Variants in ADIPOR1 observed in about 807,000 individuals in gnomAD.
The protein encoded by ADIPOR1 is adiponectin receptor 1, also known as adiponectin receptor protein 1.
ADIPOR1 carries 15 observed loss-of-function variants against 37.5 expected under a neutral mutation model. That is an observed-to-expected ratio of 0.40 (90% CI 0.27 to 0.62). The LOEUF is 0.62. ADIPOR1 is among the 20% of genes least tolerant of loss of function. ADIPOR1 has a pLI of 0.42. For missense variants in ADIPOR1, 286 were observed against 478.0 expected, an observed-to-expected ratio of 0.60 and a Z score of 3.75; for synonymous variants, 173 against 173.2, an observed-to-expected ratio of 1.00 and a Z score of 0.01.
intron 1 of ADIPOR1, 30 bp from the exon 2 acceptor site, chr1:202,951,194 A>C: frequency 8.9e-7 from 1 of 1,122,638 alleles, no homozygotes; most frequent in Non-Finnish European, 1.3e-6. Flanking sequence ...TGAAGGATTG[A>C]CAATTTATTC....
At position 202,948,254 on chromosome 1, in the gene ADIPOR1, G is replaced by A. The variant is rs144087568; in HGVS notation, c.258+50C>T. 4.0e-3 allele frequency: 5,861 copies of A among 1,453,364 alleles called. 17 individuals are homozygous for A. The highest frequency in any genetic ancestry group is 0.017 in the Middle Eastern group (71 of 4,228). 90.0% of individuals were successfully genotyped at this position (1,453,364 alleles called of 1,614,324 possible). A position where few individuals can be genotyped will look rare whatever the true frequency, so the allele number is the denominator to read the frequency against. ...AAGCTTGCTGGCTGGGGACATCCCA[G>A]ACAGGCCTGCTGCCCTTCCCCTTCC... On this transcript the variant is annotated intron_variant, in intron 3 of 7. Coordinates refer to ENST00000340990, the MANE Select transcript of ADIPOR1 (RefSeq NM_015999.6).
At chr1:202,949,386 C>G (rs1654467906) in intron 2 of ADIPOR1, among the ~76,000 whole-genome samples, 1 of 151,258 alleles carries the variant, frequency 6.6e-6, no homozygotes, top group Admixed American at 6.6e-5. Flanking sequence ...CGAGACCATC[C>G]TGGCTAACAC....
At chr1:202,958,504 C>A, upstream of ADIPOR1, 1 of 153,136 alleles carries the variant, frequency 6.5e-6, no homozygotes, top group South Asian at 1.8e-4. Context: ...AACCTCCACC[C>A]GCCCCGGGGT....
chr1:202,948,395 A>G lies in ADIPOR1; in HGVS notation c.167T>C (p.Val56Ala), dbSNP rs1414059227. ...CACCTCCTCCTCTTCTTCCTGGGGCACTGGGCATGTTTGCTCTTCTTCAGC... is the reference window on the plus strand; with the variant it reads ...CACCTCCTCCTCTTCTTCCTGGGGCGCTGGGCATGTTTGCTCTTCTTCAGC... The part of the protein sequence containing the change: ...PKAEEEQTCP[V>A]PQEEEEEVRV... The change falls in exon 3 of 8, where the codon GTG becomes GCG. Residue 56 changes from valine (V) to alanine (A), a missense_variant. By Grantham distance (64) the Val-to-Ala change is moderately conservative (BLOSUM62 0). Coordinates refer to ENST00000340990, the MANE Select transcript of ADIPOR1 (RefSeq NM_015999.6). 18 of 1,613,712 alleles carry G rather than the reference A, an allele frequency of 1.1e-5. No individual in the cohort carries two copies. The highest frequency in any genetic ancestry group is 1.2e-5 in the Non-Finnish European group (14 of 1,179,930).
chr1:202,948,917 A>G (rs1270674941), intron 2 of ADIPOR1, among the ~76,000 whole-genome samples: 4 of 151,658 alleles, frequency 2.6e-5, no homozygotes, highest in Non-Finnish European at 2.9e-5. Flanking sequence ...TCGGCCTCCA[A>G]GTAGCTGGGA....
At chr1:202,948,482 G>T in intron 2 of ADIPOR1, 62 bp from the exon 3 acceptor site, 1 of 1,489,354 alleles carries the variant, frequency 6.7e-7, no homozygotes, top group Non-Finnish European at 9.4e-7. Flanking sequence ...CTATTCCAGA[G>T]CAGAGAGACC....
At chr1:202,957,041 T>C (rs982484709) in intron 1 of ADIPOR1, among the ~76,000 whole-genome samples, 4 of 152,168 alleles carry the variant, frequency 2.6e-5, no homozygotes, top group Admixed American at 1.3e-4. Context: ...AATCACAATA[T>C]GGGTACATAA....
intron 1 of ADIPOR1, among the ~76,000 whole-genome samples, chr1:202,955,206 G>A (rs1253777939): frequency 6.6e-6 from 1 of 151,358 alleles, no homozygotes; most frequent in Non-Finnish European, 1.5e-5. Flanking sequence ...GACTTCCTTT[G>A]TAGCTCTTCC....
rs776141978 is a variant in ADIPOR1, at chr1:202,941,378, C to A, written c.*195G>T. On this transcript the variant is annotated 3_prime_UTR_variant, in exon 8 of 8. Transcript: ENST00000340990. Reference sequence around the variant, plus strand: ...ATGGCTAAGTTTGACCATGCCCCATCCCCAGCTAGGAGAATGGAAATGGAA... The same window carrying A: ...ATGGCTAAGTTTGACCATGCCCCATACCCAGCTAGGAGAATGGAAATGGAA... 1.3e-5 allele frequency: 7 copies of A among 548,096 alleles called. No individual in the cohort carries two copies. Among genetic ancestry groups the A allele is most frequent in the Middle Eastern group, 5.2e-4 (1 of 1,916 alleles). 34.0% of individuals were successfully genotyped at this position (548,096 alleles called of 1,614,324 possible).
intron 1 of ADIPOR1, 94 bp from the exon 2 acceptor site, chr1:202,951,258 A>G: frequency 1.6e-6 from 1 of 629,140 alleles, no homozygotes; most frequent in Admixed American, 3.2e-5. Context: ...TAATCAACTC[A>G]TATCCTGTCC....
intron 6 of ADIPOR1, among the ~76,000 whole-genome samples, chr1:202,943,126 C>A (rs900744113): frequency 6.6e-6 from 1 of 152,294 alleles, no homozygotes; most frequent in South Asian, 2.1e-4. Context: ...CCTCGGCCCC[C>A]CAAAGTGCTG....
In ADIPOR1 at chr1:202,943,742, A is replaced by G; in HGVS notation, c.805+16T>C. The G allele has an allele frequency of 4.3e-6, 7 of 1,611,798 alleles. No homozygotes were observed. Among genetic ancestry groups the G allele is most frequent in the Non-Finnish European group, 5.1e-6 (6 of 1,179,502 alleles). On this transcript the variant is annotated intron_variant, in intron 6 of 7. Transcript: ENST00000340990. ...GTCTAAATACCTCTGAGGTGTACGT[A>G]CATCTTCCGACCTACCTGCTCTTGT...
At position 202,941,616 on chromosome 1, in the gene ADIPOR1, C is replaced by T. The variant is rs925295616; in HGVS notation, c.1085G>A (p.Arg362His). The T allele has an allele frequency of 5.0e-6, 8 of 1,614,100 alleles. No homozygotes were observed. The highest frequency in any genetic ancestry group is 6.8e-6 in the Non-Finnish European group (8 of 1,180,034). The change falls in exon 8 of 8, where the codon CGT becomes CAT. Residue 362 changes from arginine to histidine, a missense_variant. Transcript: ENST00000340990. ...FYGVSNLQEF[R>H]YGLEGGCTDD... ...AGTACAGCCGCCTTCTAGGCCGTAA[C>T]GGAATTCCTGAAGGTTGGAGACTCC...
chr1:202,943,619 G>A (rs1429267872), intron 6 of ADIPOR1, 139 bp downstream of exon 6: 2 of 908,472 alleles, frequency 2.2e-6, no homozygotes, highest in African/African-American at 1.7e-5. Context: ...TGAAATTGAT[G>A]CTGTTTTGAA....
chr1:202,957,968 C>T (rs1434658538), intron 1 of ADIPOR1, among the ~76,000 whole-genome samples: 1 of 152,200 alleles, frequency 6.6e-6, no homozygotes, highest in Non-Finnish European at 1.5e-5. Context: ...TAGGCCGCCT[C>T]GGAGGCGGCG....
At chr1:202,947,110 T>C (rs1654361727) in intron 3 of ADIPOR1, among the ~76,000 whole-genome samples, 1 of 151,934 alleles carries the variant, frequency 6.6e-6, no homozygotes. Context: ...AGCAAGACTC[T>C]GTATTCAAAA....
Position 202,941,681 on chromosome 1 carries a change from G to C in ADIPOR1, c.1020C>G (p.Phe340Leu). The change falls in exon 8 of 8, where the codon TTC (phenylalanine) becomes TTG (leucine). Residue 340 changes from phenylalanine to leucine, a missense_variant. Physicochemically the swap from Phe to Leu is conservative, Grantham distance 22. Transcript: ENST00000340990. ...FDIWFQSHQIFHVLVVAAAFV... is the reference protein window; with the variant it reads ...FDIWFQSHQILHVLVVAAAFV... ...AGGCTGCTGCCACCACCAGGACATG[G>C]AAAATCTGATGAGACTGGAACTGTA... The C allele has an allele frequency of 6.2e-7, 1 of 1,614,066 alleles. No homozygotes were observed. The highest frequency in any genetic ancestry group is 8.5e-7 in the Non-Finnish European group (1 of 1,180,010).
At chr1:202,948,780 T>A (rs1259737634) in intron 2 of ADIPOR1, among the ~76,000 whole-genome samples, 1 of 139,474 alleles carries the variant, frequency 7.2e-6, no homozygotes, top group Non-Finnish European at 1.5e-5. Context: ...TCTAAGCCAT[T>A]ACATTTTCTT....
At position 202,941,710 on chromosome 1, in the gene ADIPOR1, A is replaced by G; in HGVS notation, c.1000-9T>C. 6.2e-7 allele frequency: 1 copy of G among 1,605,824 alleles called. No homozygotes were observed. Among genetic ancestry groups the G allele is most frequent in the South Asian group, 1.1e-5 (1 of 89,296 alleles). On this transcript the variant is annotated splice_polypyrimidine_tract_variant and intron_variant, in intron 7 of 7. Transcript: ENST00000340990. ...ATCTGATGAGACTGGAACTGTAGGA[A>G]TAAAAAGAAAAGAGCCTTTAGGATA...
Sources: allele counts gnomAD v4.1 joint callset (sites outside exome capture counted in the v4.1 genomes callset), GRCh38; gene constraint gnomAD v4.1.1; transcripts MANE v1.5; gene names NCBI Gene and HGNC (gene_info 2026-07-23, HGNC 2026-07-21).